The following SRGAP1 variants were observed in gnomAD, a reference collection of about 807,000 sequenced individuals.
The protein encoded by SRGAP1 is SLIT-ROBO Rho GTPase activating protein 1.
SRGAP1 carries 43 observed loss-of-function variants against 121.9 expected under a neutral mutation model. The observed-to-expected ratio is 0.35, with a 90% CI of 0.28 to 0.46. SRGAP1 has a LOEUF of 0.46. SRGAP1 is among the 20% of genes least tolerant of loss of function. The pLI is 1.00. For missense variants in SRGAP1, 1,102 were observed against 1,350.9 expected (o/e 0.82, Z 2.89); for synonymous variants, 447 against 485.4 (o/e 0.92, Z 1.04).
chr12:64,033,308 T>C (rs1053839612), intron 4 of SRGAP1, among the ~76,000 whole-genome samples: 20 of 152,218 alleles, frequency 1.3e-4, no homozygotes, highest in African/African-American at 4.6e-4. Flanking sequence ...CAAACTGTTA[T>C]GCTGATTTCA....
chr12:63,975,088 C>T (rs895177926), intron 1 of SRGAP1, among the ~76,000 whole-genome samples: 1 of 152,168 alleles, frequency 6.6e-6, no homozygotes, highest in African/African-American at 2.4e-5. Context: ...CAACACTTTA[C>T]ATAATGAGAA....
chr12:64,071,043 A>G (rs1472214005), intron 8 of SRGAP1, among the ~76,000 whole-genome samples: 1 of 152,196 alleles, frequency 6.6e-6, no homozygotes, highest in Non-Finnish European at 1.5e-5. Flanking sequence ...CTTGCCTGCA[A>G]CCTTCTACTG....
At chr12:63,903,410 A>T (rs1304313282) in intron 1 of SRGAP1, among the ~76,000 whole-genome samples, 1 of 152,024 alleles carries the variant, frequency 6.6e-6, no homozygotes, top group Non-Finnish European at 1.5e-5. Context: ...CAAATACAAT[A>T]CGTTTTTGTA....
intron 1 of SRGAP1, among the ~76,000 whole-genome samples, chr12:63,949,108 A>G (rs2032180265): frequency 1.0e-5 from 1 of 96,406 alleles, no homozygotes; most frequent in South Asian, 3.7e-4. Context: ...TTTTCCATAT[A>G]TATACATTCA....
chr12:64,012,760 A>G (rs1290049993), intron 3 of SRGAP1, among the ~76,000 whole-genome samples: 1 of 151,774 alleles, frequency 6.6e-6, no homozygotes, highest in Non-Finnish European at 1.5e-5. Flanking sequence ...CATATTCCCC[A>G]GGCTGGTCTC....
chr12:63,922,210 C>T (rs938094267), intron 1 of SRGAP1, among the ~76,000 whole-genome samples: 18 of 152,088 alleles, frequency 1.2e-4, no homozygotes, highest in African/African-American at 4.1e-4. Flanking sequence ...TAATCCTGAC[C>T]TCAAGTGATC....
chr12:64,000,275 T>TGA (rs1555163998), intron 3 of SRGAP1, among the ~76,000 whole-genome samples: 1 of 133,380 alleles, frequency 7.5e-6, no homozygotes, highest in African/African-American at 2.8e-5. Context: ...TGTGTGTGTG[T>TGA]AAAAAAAAAA....
At position 64,072,154 on chromosome 12, in the gene SRGAP1, CGG is replaced by C. The variant is rs11397582; in HGVS notation, c.1126-6757_1126-6756del. ...TGTGTGTGTGTGTGTGTGTGGGCGG[CGG>C]GGGGGGGCTCTTTCTGCTAATTTTT... On this transcript the variant is annotated intron_variant, in intron 8 of 21. Coordinates refer to ENST00000355086, the MANE Select transcript of SRGAP1 (RefSeq NM_020762.4). 4.8e-4 allele frequency among the ~76,000 whole-genome samples: 42 copies of C among 88,278 alleles called. 4 individuals carry two copies. Among genetic ancestry groups the C allele is most frequent in the East Asian group, 8.3e-4 (2 of 2,402 alleles). 57.9% of individuals were successfully genotyped at this position (88,278 alleles called of 152,430 possible).
chr12:64,014,235 T>C (rs1352492077), intron 3 of SRGAP1, among the ~76,000 whole-genome samples: 2 of 152,240 alleles, frequency 1.3e-5, no homozygotes, highest in Non-Finnish European at 2.9e-5. Flanking sequence ...TCCTTAGACC[T>C]TGCTTTTAAG....
At chr12:64,082,642 G>T (rs1028673366) in intron 10 of SRGAP1, among the ~76,000 whole-genome samples, 2 of 152,034 alleles carry the variant, frequency 1.3e-5, no homozygotes, top group African/African-American at 4.8e-5. Flanking sequence ...AGAGACAGGG[G>T]TCTCACCATG....
At chr12:63,939,623 G>C (rs1352517021) in intron 1 of SRGAP1, among the ~76,000 whole-genome samples, 1 of 152,150 alleles carries the variant, frequency 6.6e-6, no homozygotes, top group African/African-American at 2.4e-5. Flanking sequence ...TTCTTCCAGT[G>C]AAAAGGGAAA....
At chr12:63,857,647 G>A (rs764802358) in intron 1 of SRGAP1, among the ~76,000 whole-genome samples, 3 of 152,166 alleles carry the variant, frequency 2.0e-5, no homozygotes, top group Non-Finnish European at 4.4e-5. Flanking sequence ...GCCTCCCAAA[G>A]TGCTGGGATT....
intron 4 of SRGAP1, 50 bp from the exon 5 acceptor site, chr12:64,042,740 T>G (rs768717664): frequency 6.7e-7 from 1 of 1,486,154 alleles, no homozygotes; most frequent in Non-Finnish European, 9.4e-7. Context: ...CCATTCACTC[T>G]CTAAATGACA....
intron 3 of SRGAP1, among the ~76,000 whole-genome samples, chr12:64,010,449 C>T (rs976606367): frequency 6.6e-6 from 1 of 152,084 alleles, no homozygotes; most frequent in African/African-American, 2.4e-5. Context: ...GGCCAGGGCC[C>T]ACCCAGTGTA....
rs143790855 is a variant in SRGAP1 at position 63,939,408 on chromosome 12, A to G, written c.68-44539A>G. The stretch of plus-strand genomic sequence containing the variant: ...AAGTGTCCTATAAGATATTTGCAAT[A>G]TACTGTTTTTGCTTCAGAAAGGCGT... On this transcript the variant is annotated intron_variant, in intron 1 of 21. Transcript: ENST00000355086. Among the ~76,000 whole-genome samples, 330 of 152,258 alleles carry G rather than the reference A, an allele frequency of 2.2e-3. 1 individual carries two copies. The highest frequency in any genetic ancestry group is 3.7e-3 in the Non-Finnish European group (255 of 68,018).
intron 4 of SRGAP1, among the ~76,000 whole-genome samples, chr12:64,035,159 A>G (rs1406732292): frequency 6.6e-6 from 1 of 152,092 alleles, no homozygotes; most frequent in Non-Finnish European, 1.5e-5. Context: ...TTGTAGGTGT[A>G]TGTTAAGGGC....
intron 1 of SRGAP1, among the ~76,000 whole-genome samples, chr12:63,867,035 AT>A (rs1165719172): frequency 6.6e-6 from 1 of 151,998 alleles, no homozygotes; most frequent in Non-Finnish European, 1.5e-5. Context: ...TTCCCAGCTA[AT>A]TTTTTTATTT....
chr12:64,012,139 G>A (rs1240731174), intron 3 of SRGAP1, among the ~76,000 whole-genome samples: 4 of 152,102 alleles, frequency 2.6e-5, no homozygotes, highest in African/African-American at 9.7e-5. Flanking sequence ...AATATACTTA[G>A]TTCATTTTCA....
intron 1 of SRGAP1, among the ~76,000 whole-genome samples, chr12:63,863,013 T>G (rs1899506475): frequency 6.6e-6 from 1 of 152,180 alleles, no homozygotes; most frequent in African/African-American, 2.4e-5. Flanking sequence ...ATGTTTTCTT[T>G]GGCTGACCCC....
Sources: allele counts gnomAD v4.1 joint callset (sites outside exome capture counted in the v4.1 genomes callset), GRCh38; gene constraint gnomAD v4.1.1; transcripts MANE v1.5; gene names NCBI Gene and HGNC (gene_info 2026-07-23, HGNC 2026-07-21).